DIP2C: variants seen among roughly 807,000 people sequenced by gnomAD.
DIP2C encodes disco-interacting protein 2 homolog C.
DIP2C carries 33 observed loss-of-function variants against 192.4 expected under a neutral mutation model. The ratio of observed to expected loss-of-function variants is 0.17; its 90% CI spans 0.13 to 0.23. The LOEUF (loss-of-function observed/expected upper bound fraction) is 0.23. Among genes scored for constraint, DIP2C ranks in the 10% least tolerant of loss-of-function variants. DIP2C has a pLI of 1.00. For synonymous variants in DIP2C, 979 were observed against 864.1 expected (o/e 1.13, Z -2.33); for missense variants, 1,537 against 2,110.1 (o/e 0.73, Z 5.32).
At chr10:558,904 C>T (rs1052791487) in intron 1 of DIP2C, among the ~76,000 whole-genome samples, 5 of 152,086 alleles carry the variant, frequency 3.3e-5, no homozygotes, top group African/African-American at 4.8e-5. Context: ...ACAGCAGGAC[C>T]CCAGACACCA....
At chr10:428,189 TAA>T (rs972767273) in intron 4 of DIP2C, among the ~76,000 whole-genome samples, 6 of 152,148 alleles carry the variant, frequency 3.9e-5, no homozygotes, top group Non-Finnish European at 7.4e-5. Flanking sequence ...CATAAAAAAC[TAA>T]AAACCATAAA....
At chr10:581,832 C>T (rs572742105) in intron 1 of DIP2C, among the ~76,000 whole-genome samples, 1 of 152,248 alleles carries the variant, frequency 6.6e-6, no homozygotes, top group Non-Finnish European at 1.5e-5. Context: ...CAACTGAGGT[C>T]CGAGTCCAAA....
intron 29 of DIP2C, among the ~76,000 whole-genome samples, chr10:331,128 T>C (rs1231847771): frequency 6.6e-6 from 1 of 152,156 alleles, no homozygotes; most frequent in African/African-American, 2.4e-5. Context: ...CGCAAAATTT[T>C]ATCAGTGAAA....
chr10:500,349 A>G (rs547250101), intron 1 of DIP2C, among the ~76,000 whole-genome samples: 1 of 152,384 alleles, frequency 6.6e-6, no homozygotes, highest in East Asian at 1.9e-4. Context: ...GTACTATTTC[A>G]GTAGGTCCTG....
chr10:441,166 A>G, intron 3 of DIP2C, 170 bp from the exon 4 acceptor site: 1 of 710,146 alleles, frequency 1.4e-6, no homozygotes, highest in South Asian at 2.4e-5. Flanking sequence ...AGACATTAAA[A>G]TTCATTCACA....
chr10:364,772 C>A (rs576285240), intron 19 of DIP2C, among the ~76,000 whole-genome samples, 190 bp from the exon 20 acceptor site: 37 of 152,338 alleles, frequency 2.4e-4, no homozygotes, highest in Admixed American at 1.5e-3. Context: ...GCACTTCCTG[C>A]CCACCTCAGC....
chr10:512,179 C>A (rs1846061082), intron 1 of DIP2C, among the ~76,000 whole-genome samples: 1 of 152,168 alleles, frequency 6.6e-6, no homozygotes, highest in African/African-American at 2.4e-5. Context: ...TTGTTTCTGT[C>A]TTGTTTTTAT....
chr10:338,501 G>T (rs767284301), intron 29 of DIP2C, among the ~76,000 whole-genome samples: 1 of 150,270 alleles, frequency 6.7e-6, no homozygotes, highest in Non-Finnish European at 1.5e-5. Context: ...CTCGACACAC[G>T]ACCACTTACC....
intron 1 of DIP2C, among the ~76,000 whole-genome samples, chr10:649,587 C>T (rs1030588600): frequency 6.6e-6 from 1 of 152,192 alleles, no homozygotes; most frequent in Non-Finnish European, 1.5e-5. Flanking sequence ...TTTCACATTA[C>T]CCAATAATTC....
intron 29 of DIP2C, among the ~76,000 whole-genome samples, chr10:339,239 T>C (rs988328775): frequency 1.3e-5 from 2 of 152,020 alleles, no homozygotes; most frequent in African/African-American, 2.4e-5. Context: ...GTGCTTTTTT[T>C]GTTTTTTAAA....
At position 356,427 on chromosome 10, in the gene DIP2C, C is replaced by A; in HGVS notation, c.2984G>T (p.Arg995Leu). ...GGGAAGGCCAGCTCCGCGCCTCACC[C>A]GACAGTTGAGCAGCGTGTAGAGGAT... The part of the protein sequence containing the change: ...DHILYTLLNC[R>L]GAIANSLTCV... The change falls in exon 24 of 37, where the codon CGG (arginine) becomes CTG (leucine). Residue 995 changes from arginine to leucine, a missense_variant and splice_region_variant. Physicochemically the swap from Arg to Leu is moderately radical, Grantham distance 102. Coordinates refer to ENST00000280886, the MANE Select transcript of DIP2C (RefSeq NM_014974.3). 6.2e-7 allele frequency: 1 copy of A among 1,611,276 alleles called. No homozygotes were observed. Among genetic ancestry groups the A allele is most frequent in the Non-Finnish European group, 8.5e-7 (1 of 1,179,988 alleles).
intron 1 of DIP2C, among the ~76,000 whole-genome samples, chr10:541,912 A>AAGC (rs1219570504): frequency 5.9e-5 from 9 of 152,260 alleles, no homozygotes; most frequent in African/African-American, 2.2e-4. Flanking sequence ...TCGTCGGGTC[A>AAGC]AGCACCAACA....
chr10:317,896 G>GT (rs1205222275), intron 31 of DIP2C, among the ~76,000 whole-genome samples: 1 of 152,194 alleles, frequency 6.6e-6, no homozygotes, highest in East Asian at 1.9e-4. Context: ...TCCCTCAATT[G>GT]TAAATTTTAC....
chr10:338,289 G>T (rs1957967308), intron 29 of DIP2C, among the ~76,000 whole-genome samples: 1 of 152,208 alleles, frequency 6.6e-6, no homozygotes, highest in African/African-American at 2.4e-5. Context: ...CAAAGTGTCT[G>T]GTATTTACAG....
intron 1 of DIP2C, among the ~76,000 whole-genome samples, chr10:585,030 G>A (rs114366217): frequency 7.1e-4 from 107 of 150,324 alleles, no homozygotes; most frequent in African/African-American, 2.3e-3. Flanking sequence ...CCCCACTCAC[G>A]CACATCACCT....
intron 1 of DIP2C, among the ~76,000 whole-genome samples, chr10:573,803 C>T (rs1849975848): frequency 1.3e-5 from 2 of 151,696 alleles, no homozygotes; most frequent in South Asian, 2.1e-4. Context: ...GAGAAAGAAA[C>T]CATTAACACG....
At chr10:423,800 G>A (rs1564695147) in intron 4 of DIP2C, among the ~76,000 whole-genome samples, 2 of 152,294 alleles carry the variant, frequency 1.3e-5, no homozygotes, top group East Asian at 1.9e-4. Flanking sequence ...AAAGCAGAAC[G>A]TGCCTCACGC....
chr10:325,914 G>C (rs143012025), intron 31 of DIP2C, among the ~76,000 whole-genome samples: 2 of 152,290 alleles, frequency 1.3e-5, no homozygotes, highest in African/African-American at 4.8e-5. Flanking sequence ...GGGTGCAGTG[G>C]CTCACGTCTG....
At chr10:575,956 T>TC (rs941634726) in intron 1 of DIP2C, among the ~76,000 whole-genome samples, 3 of 152,148 alleles carry the variant, frequency 2.0e-5, no homozygotes, top group African/African-American at 7.2e-5. Flanking sequence ...GTCTGTCACA[T>TC]CCCCCACCTC....
Sources: gnomAD v4.1 joint callset for allele counts (sites outside exome capture counted in the v4.1 genomes callset) on GRCh38, gnomAD v4.1.1 for gene constraint, MANE v1.5 for transcripts, NCBI Gene and HGNC (gene_info 2026-07-23, HGNC 2026-07-21) for gene names.